Variants in ATP8A2 observed in about 807,000 individuals in gnomAD.
ATP8A2 encodes ATPase phospholipid transporting 8A2, also known as phospholipid-transporting ATPase IB.
In ATP8A2, 100 loss-of-function variants were observed where a neutral mutation model predicts 165.6. The observed-to-expected ratio is 0.60, with a 90% CI of 0.51 to 0.71. The LOEUF (loss-of-function observed/expected upper bound fraction) is 0.71, where lower values mean the gene tolerates loss of function less well. ATP8A2 is among the 30% of genes least tolerant of loss of function. ATP8A2 has a pLI of 0.00. For missense variants in ATP8A2, 1,227 were observed against 1,479.5 expected (o/e 0.83, Z 2.80); for synonymous variants, 543 against 548.8 (o/e 0.99, Z 0.15).
intron 27 of ATP8A2, among the ~76,000 whole-genome samples, chr13:25,790,238 A>G (rs770700852): frequency 5.9e-5 from 9 of 152,236 alleles, no homozygotes; most frequent in Non-Finnish European, 1.0e-4. Flanking sequence ...ATCTAACTAA[A>G]CTAAAGACCT....
intron 1 of ATP8A2, among the ~76,000 whole-genome samples, chr13:25,420,397 G>A (rs1441283493): frequency 2.0e-5 from 3 of 152,228 alleles, no homozygotes; most frequent in Non-Finnish European, 2.9e-5. Context: ...CAGACTCAAG[G>A]CTTTGGAAGA....
intron 33 of ATP8A2, among the ~76,000 whole-genome samples, chr13:25,952,476 GC>G (rs1955395210): frequency 9.2e-5 from 14 of 151,700 alleles, no homozygotes; most frequent in Admixed American, 9.2e-4. Context: ...GAACTCTTGA[GC>G]CCAAGCGATC....
chr13:25,761,268 A>G (rs2044373203), intron 25 of ATP8A2, among the ~76,000 whole-genome samples: 1 of 152,210 alleles, frequency 6.6e-6, no homozygotes. Flanking sequence ...ATTTCTCAAG[A>G]GTGGCTGGAT....
chr13:25,765,817 T>C (rs901459825), intron 25 of ATP8A2, among the ~76,000 whole-genome samples: 4 of 152,138 alleles, frequency 2.6e-5, no homozygotes, highest in Non-Finnish European at 5.9e-5. Context: ...GGTTGGCCTA[T>C]CGCTAACCTC....
At chr13:25,734,959 G>A (rs964217284) in intron 25 of ATP8A2, among the ~76,000 whole-genome samples, 1 of 152,060 alleles carries the variant, frequency 6.6e-6, no homozygotes, top group African/African-American at 2.4e-5. Flanking sequence ...GTCTAATAGA[G>A]GTGAGACCAA....
intron 26 of ATP8A2, among the ~76,000 whole-genome samples, chr13:25,772,898 T>C (rs190975685): frequency 6.6e-6 from 1 of 152,168 alleles, no homozygotes; most frequent in African/African-American, 2.4e-5. Flanking sequence ...TAGCTGGGAT[T>C]ACAGGCACCC....
chr13:25,758,490 TAATC>T (rs2044311245), intron 25 of ATP8A2, among the ~76,000 whole-genome samples: 1 of 152,236 alleles, frequency 6.6e-6, no homozygotes, highest in African/African-American at 2.4e-5. Flanking sequence ...ATGATGGTAT[TAATC>T]AATTAGAAAA....
chr13:25,576,770 A>G (rs2039630400), intron 19 of ATP8A2, among the ~76,000 whole-genome samples: 1 of 152,202 alleles, frequency 6.6e-6, no homozygotes, highest in Non-Finnish European at 1.5e-5. Flanking sequence ...GTAGAGTCAG[A>G]AGTCAATCAG....
intron 2 of ATP8A2, among the ~76,000 whole-genome samples, chr13:25,504,746 CAAAAAAAAAA>C (rs34066777): frequency 1.2e-5 from 1 of 84,806 alleles, no homozygotes; most frequent in Non-Finnish European, 2.1e-5. Flanking sequence ...GACTCCGTCT[CAAAAAAAAAA>C]AAAAAAAAAA....
At chr13:25,968,778 G>A in intron 35 of ATP8A2, 99 bp downstream of exon 35, 1 of 943,960 alleles carries the variant, frequency 1.1e-6, no homozygotes, top group South Asian at 1.5e-5. Flanking sequence ...GTTTTCGATG[G>A]GAGCACAGTA....
At chr13:25,771,573 T>C (rs957841527) in intron 26 of ATP8A2, among the ~76,000 whole-genome samples, 1 of 152,144 alleles carries the variant, frequency 6.6e-6, no homozygotes, top group Non-Finnish European at 1.5e-5. Flanking sequence ...GAGCAATTGC[T>C]CTCTTCAAAT....
chr13:25,759,805 C>A (rs977504845), intron 25 of ATP8A2, among the ~76,000 whole-genome samples: 3 of 152,104 alleles, frequency 2.0e-5, no homozygotes, highest in African/African-American at 7.2e-5. Context: ...GTATATAATT[C>A]ACAACATACA....
intron 33 of ATP8A2, among the ~76,000 whole-genome samples, chr13:25,906,592 C>T (rs796720723): frequency 6.6e-6 from 1 of 152,160 alleles, no homozygotes; most frequent in African/African-American, 2.4e-5. Context: ...CTCTCCCCCT[C>T]TTGCCGTATA....
chr13:25,669,083 A>T (rs766698849), intron 24 of ATP8A2, among the ~76,000 whole-genome samples: 27 of 151,994 alleles, frequency 1.8e-4, no homozygotes, highest in Non-Finnish European at 3.4e-4. Context: ...TGAATGGGAC[A>T]TACTTTTTTG....
intron 2 of ATP8A2, among the ~76,000 whole-genome samples, chr13:25,472,210 A>G (rs1020308603): frequency 6.6e-6 from 1 of 152,168 alleles, no homozygotes; most frequent in Non-Finnish European, 1.5e-5. Context: ...CCTGGCCAAC[A>G]TGGCAAAACC....
chr13:25,468,824 C>T, intron 1 of ATP8A2, 153 bp from the exon 2 acceptor site: 2 of 984,410 alleles, frequency 2.0e-6, no homozygotes, highest in Non-Finnish European at 2.4e-6. Context: ...GCGGCGGCGT[C>T]TCCAGGGGGA....
intron 2 of ATP8A2, among the ~76,000 whole-genome samples, chr13:25,479,036 C>G (rs531054579): frequency 6.6e-6 from 1 of 151,976 alleles, no homozygotes; most frequent in Non-Finnish European, 1.5e-5. Flanking sequence ...TTAGTAGAGA[C>G]GGGGTTTCAC....
chr13:25,978,160 C>A (rs1219714737), intron 35 of ATP8A2, among the ~76,000 whole-genome samples: 1 of 152,012 alleles, frequency 6.6e-6, no homozygotes, highest in Non-Finnish European at 1.5e-5. Context: ...TTTTATTTAA[C>A]CCACTTGAGC....
At chr13:25,516,421 C>T (rs1331558800) in intron 2 of ATP8A2, among the ~76,000 whole-genome samples, 2 of 152,126 alleles carry the variant, frequency 1.3e-5, no homozygotes, top group Non-Finnish European at 2.9e-5. Flanking sequence ...TTAAATCTTT[C>T]CTTGTAGTAG....
Sources: allele counts gnomAD v4.1 joint callset (sites outside exome capture counted in the v4.1 genomes callset), GRCh38; gene constraint gnomAD v4.1.1; transcripts MANE v1.5; gene names NCBI Gene and HGNC (gene_info 2026-07-23, HGNC 2026-07-21).